PRLR: variants seen among roughly 807,000 people sequenced by gnomAD.
PRLR encodes the protein hPRL receptor.
In PRLR, 13 loss-of-function variants were observed where a neutral mutation model predicts 40.2. The observed-to-expected ratio is 0.32, with a 90% CI of 0.21 to 0.51. PRLR has a LOEUF of 0.51. Ranked by LOEUF, PRLR falls within the 20% of genes least tolerant of loss-of-function variation. PRLR has a pLI of 0.97. For synonymous variants in PRLR, 269 were observed against 278.7 expected (o/e 0.97, Z 0.35); for missense variants, 656 against 747.3 (o/e 0.88, Z 1.42).
rs142747546 is a variant in PRLR, at chr5:35,177,819, A to G, written c.-106+52449T>C. ...TATCTGTTTTCAGTTTGGCGGATAT[A>G]TAGCTAGTAGTGGAATTGTTGGTTC... On this transcript the variant is annotated intron_variant, in intron 1 of 9. Coordinates refer to ENST00000618457, the MANE Select transcript of PRLR (RefSeq NM_000949.7). 2.6e-3 allele frequency among the ~76,000 whole-genome samples: 394 copies of G among 152,334 alleles called. 1 individual carries two copies. Among genetic ancestry groups the G allele is most frequent in the African/African-American group, 9.1e-3 (378 of 41,572 alleles).
At chr5:35,124,128 A>G (rs1360808209) in intron 1 of PRLR, among the ~76,000 whole-genome samples, 1 of 152,214 alleles carries the variant, frequency 6.6e-6, no homozygotes, top group Admixed American at 6.5e-5. Flanking sequence ...AAATGTATCC[A>G]AAGGCACAAG....
chr5:35,053,278 A>T (rs528389207), downstream of PRLR, among the ~76,000 whole-genome samples: 1 of 152,356 alleles, frequency 6.6e-6, no homozygotes, highest in South Asian at 2.1e-4. Context: ...CGTTGTAAAA[A>T]TTGAAAATCC....
intron 1 of PRLR, among the ~76,000 whole-genome samples, chr5:35,146,419 T>A (rs1006906115): frequency 1.3e-5 from 2 of 152,176 alleles, no homozygotes; most frequent in Non-Finnish European, 2.9e-5. Context: ...GGAGATTAAG[T>A]TCCTCTCGTA....
chr5:35,093,308 C>A (rs535917402), intron 2 of PRLR, among the ~76,000 whole-genome samples: 4 of 152,268 alleles, frequency 2.6e-5, no homozygotes, highest in African/African-American at 4.8e-5. Flanking sequence ...TCCCAACATA[C>A]CACTCCCCAC....
intron 1 of PRLR, among the ~76,000 whole-genome samples, chr5:35,142,811 C>T (rs1774061907): frequency 6.6e-6 from 1 of 152,132 alleles, no homozygotes; most frequent in Admixed American, 6.5e-5. Context: ...AGTGCTATGG[C>T]CAGGTTGTCT....
intron 1 of PRLR, among the ~76,000 whole-genome samples, chr5:35,146,779 A>G (rs1473734390): frequency 6.6e-6 from 1 of 152,188 alleles, no homozygotes; most frequent in Non-Finnish European, 1.5e-5. Flanking sequence ...TACCCAGGCA[A>G]TCAGGTCAGT....
chr5:35,152,691 C>A, intron 1 of PRLR: 1 of 152,094 alleles, frequency 6.6e-6, no homozygotes. Context: ...GAGTTATGTA[C>A]CCAAGAGAAA....
chr5:35,225,849 T>C lies in PRLR; in HGVS notation c.-106+4419A>G, dbSNP rs184947294. Among the ~76,000 whole-genome samples, 90 of 152,206 alleles carry C rather than the reference T, an allele frequency of 5.9e-4. 1 individual carries two copies. Among genetic ancestry groups the C allele is most frequent in the East Asian group, 5.6e-3 (29 of 5,170 alleles). On this transcript the variant is annotated intron_variant, in intron 1 of 9. Coordinates refer to ENST00000618457, the MANE Select transcript of PRLR (RefSeq NM_000949.7). ...GGCACCCACCACCATGCCTGCCTAA[T>C]TTTTGCATTTTTAATAGAGACGGGG...
At chr5:35,084,376 TC>T (rs1561281609) in intron 5 of PRLR, 93 bp downstream of exon 5, 78 of 1,215,840 alleles carry the variant, frequency 6.4e-5, no homozygotes, top group Non-Finnish European at 8.4e-5. Flanking sequence ...TTTTTGGGGA[TC>T]CATCCAAAAC....
At chr5:35,183,123 C>T (rs538603339) in intron 1 of PRLR, among the ~76,000 whole-genome samples, 14 of 152,298 alleles carry the variant, frequency 9.2e-5, no homozygotes, top group Middle Eastern at 3.4e-3. Context: ...ACATCAAATG[C>T]GGAGTAGGCA....
At position 35,098,662 on chromosome 5, in the gene PRLR, G is replaced by T. The variant is rs997165343; in HGVS notation, c.-43-8999C>A. Among the ~76,000 whole-genome samples the T allele has an allele frequency of 3.3e-5, 5 of 152,210 alleles. 1 individual carries two copies. On this transcript the variant is annotated intron_variant, in intron 2 of 9. Transcript: ENST00000618457. ...TCACTACTGTATTCATAACAACTTT[G>T]TCTATTGTTATATATTAATATCTAG... is the stretch of plus-strand genomic sequence containing the variant.
At chr5:35,072,895 T>A in intron 5 of PRLR, 151 bp from the exon 6 acceptor site, 1 of 793,398 alleles carries the variant, frequency 1.3e-6, no homozygotes, top group Non-Finnish European at 2.0e-6. Context: ...TTTTGTCTTC[T>A]ACCTCTTAGT....
At chr5:35,155,245 T>C (rs1368985784) in intron 1 of PRLR, among the ~76,000 whole-genome samples, 2 of 150,426 alleles carry the variant, frequency 1.3e-5, no homozygotes, top group Admixed American at 6.6e-5. Flanking sequence ...GCTTGTTTTT[T>C]GAACTGCTTT....
chr5:35,093,475 C>G (rs575729905), intron 2 of PRLR, among the ~76,000 whole-genome samples: 1 of 152,324 alleles, frequency 6.6e-6, no homozygotes, highest in South Asian at 2.1e-4. Context: ...CCCCTGAGTA[C>G]AGTCCCCAAC....
intron 1 of PRLR, among the ~76,000 whole-genome samples, chr5:35,201,486 C>T (rs918424472): frequency 1.3e-5 from 2 of 152,164 alleles, no homozygotes; most frequent in Admixed American, 1.3e-4. Context: ...ACTTGCAGGA[C>T]CTGTCTGTCC....
rs1232118211 is a variant in PRLR at position 35,191,072 on chromosome 5, T to C, written c.-106+39196A>G. 2.5e-3 allele frequency among the ~76,000 whole-genome samples: 30 copies of C among 11,858 alleles called. 4 individuals carry two copies. Among genetic ancestry groups the C allele is most frequent in the African/African-American group, 6.5e-3 (16 of 2,448 alleles). The allele number at this position is 11,858 out of a possible 152,430, so 7.8% of individuals were successfully genotyped here. A position where few individuals can be genotyped will look rare whatever the true frequency, so the allele number is the denominator to read the frequency against. The stretch of plus-strand genomic sequence containing the variant: ...TCTTTTTTTTTTTTTTTTTTTTTTT[T>C]TTTTTTTTTTTTTTTTGAGACGGAG... On this transcript the variant is annotated intron_variant, in intron 1 of 9. Coordinates refer to ENST00000618457, the MANE Select transcript of PRLR (RefSeq NM_000949.7).
chr5:35,160,651 G>A (rs1397592436), intron 1 of PRLR, among the ~76,000 whole-genome samples: 1 of 152,198 alleles, frequency 6.6e-6, no homozygotes, highest in South Asian at 2.1e-4. Context: ...CACTATTGCA[G>A]ATTGGCCTTT....
chr5:35,223,414 G>T (rs1377715495), intron 1 of PRLR, among the ~76,000 whole-genome samples: 2 of 152,154 alleles, frequency 1.3e-5, no homozygotes, highest in Non-Finnish European at 2.9e-5. Context: ...TGGGGCTGAG[G>T]CATTTGTAAT....
At chr5:35,155,391 A>G (rs968115226) in intron 1 of PRLR, among the ~76,000 whole-genome samples, 1 of 152,150 alleles carries the variant, frequency 6.6e-6, no homozygotes, top group African/African-American at 2.4e-5. Flanking sequence ...CAAAAAGAAC[A>G]CCTTATTAAT....
Sources: gnomAD v4.1 joint callset for allele counts (sites outside exome capture counted in the v4.1 genomes callset) on GRCh38, gnomAD v4.1.1 for gene constraint, MANE v1.5 for transcripts, NCBI Gene and HGNC (gene_info 2026-07-23, HGNC 2026-07-21) for gene names.